The following NXPH2 variants were observed in gnomAD, a reference collection of about 807,000 sequenced individuals.
NXPH2 encodes neurexophilin-2.
A neutral mutation model predicts 19.8 loss-of-function variants in NXPH2; 5 were observed. The observed-to-expected ratio is 0.25, with a 90% confidence interval of 0.13 to 0.53. The LOEUF (loss-of-function observed/expected upper bound fraction) is 0.53. Among genes scored for constraint, NXPH2 ranks in the 20% least tolerant of loss-of-function variants. NXPH2 has a pLI of 0.96. For missense variants in NXPH2, 289 were observed against 322.8 expected, an observed-to-expected ratio of 0.90 and a Z score of 0.80; for synonymous variants, 154 against 127.4, an observed-to-expected ratio of 1.21 and a Z score of -1.41.
rs769742991 is a variant in NXPH2 at position 138,690,337 on chromosome 2, G to A, written c.52-18672C>T. 3.9e-5 allele frequency among the ~76,000 whole-genome samples: 6 copies of A among 152,062 alleles called. No homozygotes were observed. In the East Asian group the frequency reaches 5.8e-4, roughly 15 times the overall value. Reference sequence around the variant, plus strand: ...CTCCTGGGTACCTTCAGAAATGCTCGTGTCCCATCTCACCCTTTCAACCTG... The same window carrying A: ...CTCCTGGGTACCTTCAGAAATGCTCATGTCCCATCTCACCCTTTCAACCTG... On this transcript the variant is annotated intron_variant, in intron 1 of 1. Transcript: ENST00000272641.
intron 1 of NXPH2, among the ~76,000 whole-genome samples, chr2:138,675,692 A>G (rs1176422099): frequency 6.6e-6 from 1 of 152,098 alleles, no homozygotes. Flanking sequence ...GAGTGTCATT[A>G]TTTGCTTTTA....
At chr2:138,730,904 C>T (rs1681437792) in intron 1 of NXPH2, among the ~76,000 whole-genome samples, 1 of 152,132 alleles carries the variant, frequency 6.6e-6, no homozygotes, top group Non-Finnish European at 1.5e-5. Context: ...ACTATAACAC[C>T]ATCTCGGGTC....
chr2:138,725,840 G>A (rs1291195090), intron 1 of NXPH2, among the ~76,000 whole-genome samples: 7 of 152,140 alleles, frequency 4.6e-5, no homozygotes, highest in Non-Finnish European at 1.0e-4. Flanking sequence ...ATTTTCAAAT[G>A]CATAGGTAAG....
At chr2:138,712,181 AAATT>A (rs1681116225) in intron 1 of NXPH2, among the ~76,000 whole-genome samples, 1 of 152,206 alleles carries the variant, frequency 6.6e-6, no homozygotes, top group African/African-American at 2.4e-5. Flanking sequence ...GAATGCCACT[AAATT>A]AATTAATTTA....
At chr2:138,707,481 A>C (rs1681034835) in intron 1 of NXPH2, among the ~76,000 whole-genome samples, 2 of 152,136 alleles carry the variant, frequency 1.3e-5, no homozygotes. Flanking sequence ...TGTGAGTTGG[A>C]GCTGGGATCT....
intron 1 of NXPH2, among the ~76,000 whole-genome samples, chr2:138,723,934 C>CTTTTTTT (rs66507808): frequency 1.4e-5 from 2 of 144,572 alleles, no homozygotes; most frequent in Admixed American, 6.9e-5. Context: ...GTCATAATTT[C>CTTTTTTT]TTTTTTTTTT....
chr2:138,765,484 A>G lies in NXPH2; in HGVS notation c.51+14707T>C, dbSNP rs558443105. Among the ~76,000 whole-genome samples, 3 of 152,308 alleles carry G rather than the reference A, an allele frequency of 2.0e-5. No individual in the cohort carries two copies. In the East Asian group the frequency reaches 5.8e-4, roughly 29 times the overall value. On this transcript the variant is annotated intron_variant, in intron 1 of 1. Coordinates refer to ENST00000272641, the MANE Select transcript of NXPH2 (RefSeq NM_007226.3). ...TCTCATAGGGTACCTTCACAGATAC[A>G]TTTTTTAAAAACTAAGAATTACCTT...
At chr2:138,772,522 C>T (rs762216798) in intron 1 of NXPH2, among the ~76,000 whole-genome samples, 30 of 152,166 alleles carry the variant, frequency 2.0e-4, no homozygotes, top group African/African-American at 3.1e-4. Flanking sequence ...GTCTCGAACT[C>T]CCGACCTCAG....
chr2:138,678,283 G>A (rs1450149073), intron 1 of NXPH2, among the ~76,000 whole-genome samples: 2 of 152,256 alleles, frequency 1.3e-5, no homozygotes, highest in South Asian at 2.1e-4. Flanking sequence ...GGTAAAGTGC[G>A]GCTTTCATCA....
At chr2:138,777,638 C>G (rs928558285) in intron 1 of NXPH2, among the ~76,000 whole-genome samples, 1 of 151,494 alleles carries the variant, frequency 6.6e-6, no homozygotes, top group African/African-American at 2.4e-5. Context: ...GGGCTCAATT[C>G]CCTGTGACTG....
chr2:138,691,062 G>A (rs1012790600), intron 1 of NXPH2, among the ~76,000 whole-genome samples: 1 of 152,228 alleles, frequency 6.6e-6, no homozygotes, highest in African/African-American at 2.4e-5. Flanking sequence ...TCTAGTCAGG[G>A]AAAGTGTGGT....
At chr2:138,675,070 A>T (rs1338976266) in intron 1 of NXPH2, among the ~76,000 whole-genome samples, 1 of 152,154 alleles carries the variant, frequency 6.6e-6, no homozygotes, top group African/African-American at 2.4e-5. Flanking sequence ...GCTTTTAAAA[A>T]TATGTCTTGA....
chr2:138,738,535 T>G (rs1424646669), intron 1 of NXPH2, among the ~76,000 whole-genome samples: 1 of 152,168 alleles, frequency 6.6e-6, no homozygotes, highest in Non-Finnish European at 1.5e-5. Flanking sequence ...ATTCAAAGGA[T>G]TTTCATGGCA....
chr2:138,731,809 C>T (rs1222811624), intron 1 of NXPH2, among the ~76,000 whole-genome samples: 1 of 152,024 alleles, frequency 6.6e-6, no homozygotes, highest in Admixed American at 6.6e-5. Context: ...TAGAACGGCC[C>T]TAATCAAGTC....
chr2:138,707,963 A>G (rs537922203), intron 1 of NXPH2, among the ~76,000 whole-genome samples: 85 of 152,268 alleles, frequency 5.6e-4, no homozygotes, highest in African/African-American at 1.9e-3. Flanking sequence ...TGGACAGTCA[A>G]GCTGATTACT....
At chr2:138,768,435 C>G (rs9677668) in intron 1 of NXPH2, among the ~76,000 whole-genome samples, 92,568 of 152,050 alleles carry the variant, frequency 0.61, 28,689 homozygotes, top group African/African-American at 0.69. Context: ...ATGCAGAACT[C>G]TTCATCAAAG....
intron 1 of NXPH2, among the ~76,000 whole-genome samples, chr2:138,698,943 C>G (rs1420454762): frequency 1.3e-5 from 2 of 152,084 alleles, no homozygotes; most frequent in Non-Finnish European, 2.9e-5. Flanking sequence ...ACTCAAAGTA[C>G]TTTGATGCCC....
intron 1 of NXPH2, among the ~76,000 whole-genome samples, chr2:138,753,247 T>C (rs187483579): frequency 1.3e-5 from 2 of 152,214 alleles, no homozygotes; most frequent in East Asian, 3.8e-4. Flanking sequence ...TAATTTACTC[T>C]GTTGTTCACA....
intron 1 of NXPH2, among the ~76,000 whole-genome samples, chr2:138,733,408 T>A (rs1483249652): frequency 6.6e-6 from 1 of 152,188 alleles, no homozygotes; most frequent in African/African-American, 2.4e-5. Context: ...TGTGTAAACC[T>A]AGAGGAAAGC....
Sources: gnomAD v4.1 joint callset for allele counts (sites outside exome capture counted in the v4.1 genomes callset) on GRCh38, gnomAD v4.1.1 for gene constraint, MANE v1.5 for transcripts, NCBI Gene and HGNC (gene_info 2026-07-23, HGNC 2026-07-21) for gene names.